ZNF43: variants seen among roughly 807,000 people sequenced by gnomAD.
The protein encoded by ZNF43 is zinc finger protein 43.
A neutral mutation model predicts 68.4 loss-of-function variants in ZNF43; 44 were observed. The observed-to-expected ratio is 0.64, with a 90% confidence interval of 0.51 to 0.83. ZNF43 has a LOEUF of 0.83. ZNF43 is among the 40% of genes least tolerant of loss of function. ZNF43 has a pLI of 0.00. For missense variants in ZNF43, 896 were observed against 933.2 expected (o/e 0.96, Z 0.52); for synonymous variants, 308 against 307.8 (o/e 1.00, Z -0.01).
chr19:21,832,031 T>A (rs543846310), intron 1 of ZNF43, among the ~76,000 whole-genome samples: 2 of 152,294 alleles, frequency 1.3e-5, no homozygotes, highest in South Asian at 4.1e-4. Context: ...TAAAAATAAC[T>A]ATTTTAAAAT....
In ZNF43 at chr19:21,809,021, T is replaced by G. The variant is rs570749825; in HGVS notation, c.1016A>C (p.Glu339Ala). 3 of 1,613,498 alleles carry G rather than the reference T, an allele frequency of 1.9e-6. No individual in the cohort carries two copies. In the South Asian group the frequency reaches 3.3e-5, roughly 18 times the overall value. ...ACATTCTTCACATGTGTAGGGTTTCTCTCCAGTATGAATTCTCTTATGTTT... is the reference window on the plus strand; with the variant it reads ...ACATTCTTCACATGTGTAGGGTTTCGCTCCAGTATGAATTCTCTTATGTTT... ...LTKHKRIHTG[E>A]KPYTCEECGK... Residue 339 changes from glutamate to alanine, a missense_variant, in exon 4 of 4, where the codon GAG becomes GCG. Glu to Ala is a moderately radical substitution (Grantham distance 107, BLOSUM62 -1). Coordinates refer to ENST00000354959, the MANE Select transcript of ZNF43 (RefSeq NM_003423.4).
chr19:21,813,152 G>A (rs1159129292), intron 3 of ZNF43, among the ~76,000 whole-genome samples: 1 of 151,474 alleles, frequency 6.6e-6, no homozygotes. Flanking sequence ...TGAGGCAGAA[G>A]ACTCACTTGA....
At chr19:21,844,892 G>A (rs1274199071) in intron 1 of ZNF43, among the ~76,000 whole-genome samples, 19 of 42,238 alleles carry the variant, frequency 4.5e-4, no homozygotes, top group African/African-American at 1.1e-3. Context: ...GCAAGATTCC[G>A]TCTCAAAAAA....
At chr19:21,833,937 G>C (rs955471152) in intron 1 of ZNF43, among the ~76,000 whole-genome samples, 1 of 152,012 alleles carries the variant, frequency 6.6e-6, no homozygotes, top group African/African-American at 2.4e-5. Context: ...TGAGTCAGCA[G>C]AATCGCTTGA....
chr19:21,848,016 C>T (rs924461670), intron 1 of ZNF43, among the ~76,000 whole-genome samples: 8 of 151,446 alleles, frequency 5.3e-5, no homozygotes, highest in Non-Finnish European at 1.0e-4. Flanking sequence ...AGAGACGTTT[C>T]ACCATATTGA....
In ZNF43 at chr19:21,808,051, G is replaced by A. The variant is rs749409739; in HGVS notation, c.1986C>T (p.Ser662=). Residue 662 remains serine (S), a synonymous_variant, in exon 4 of 4, where the codon TCC becomes TCT. Coordinates refer to ENST00000354959, the MANE Select transcript of ZNF43 (RefSeq NM_003423.4). ...TTATCTTATGTTTAGTAAGGGTTGA[G>A]GACCACTTAAAGGCTTTGCCACATT... ...CEECGKAFKW[S]STLTKHKIIH... is the part of the protein sequence containing the mutation. 1 of 1,612,526 alleles carries A rather than the reference G, an allele frequency of 6.2e-7. No individual in the cohort carries two copies. Among genetic ancestry groups the A allele is most frequent in the South Asian group, 1.1e-5 (1 of 91,018 alleles).
rs2036907379 is a variant in ZNF43, at chr19:21,805,658, C to T, written c.*1949G>A. On this transcript the variant is annotated 3_prime_UTR_variant, in exon 4 of 4. Transcript: ENST00000354959. The stretch of plus-strand genomic sequence containing the variant: ...CAAACAAAAAAAATTATGAATAGCA[C>T]AAAGAATAAAATAAGGTAATTAAAA... 6.6e-6 allele frequency: 1 copy of T among 150,884 alleles called. No homozygotes were observed. The highest frequency in any genetic ancestry group is 1.5e-5 in the Non-Finnish European group (1 of 67,732). 9.3% of individuals were successfully genotyped at this position (150,884 alleles called of 1,614,324 possible).
chr19:21,851,817 G>C, intron 1 of ZNF43: 2 of 1,413,784 alleles, frequency 1.4e-6, no homozygotes. Flanking sequence ...CCAGCGACCA[G>C]GACTCAGGAG....
chr19:21,838,329 G>A (rs1206179738), upstream of ZNF43, among the ~76,000 whole-genome samples: 1 of 151,752 alleles, frequency 6.6e-6, no homozygotes, highest in Non-Finnish European at 1.5e-5. Flanking sequence ...ATCAAGTGTA[G>A]AGGTTAATAA....
intron 1 of ZNF43, chr19:21,851,011 C>A (rs1034299194): frequency 2.0e-5 from 3 of 152,210 alleles, no homozygotes; most frequent in Non-Finnish European, 4.4e-5. Flanking sequence ...TCAACACCTC[C>A]TGTATGTTGG....
chr19:21,820,654 A>G (rs1278165469), intron 1 of ZNF43, among the ~76,000 whole-genome samples: 1 of 152,028 alleles, frequency 6.6e-6, no homozygotes, highest in Non-Finnish European at 1.5e-5. Flanking sequence ...TAATCAAGTG[A>G]ATAATTAACA....
intron 1 of ZNF43, among the ~76,000 whole-genome samples, chr19:21,829,032 CAAAAAAAAAAAAAA>C (rs551226809): frequency 0.045 from 1,761 of 38,862 alleles, 67 homozygotes; most frequent in African/African-American, 0.15. Context: ...GACTCTGTCT[CAAAAAAAAAAAAAA>C]AAAAAAAAAA....
intron 1 of ZNF43, among the ~76,000 whole-genome samples, chr19:21,828,649 G>A (rs755677428): frequency 5.9e-5 from 9 of 151,728 alleles, no homozygotes; most frequent in African/African-American, 7.3e-5. Flanking sequence ...CCCAGTAGGC[G>A]GAGGTTGCAG....
chr19:21,834,102 C>T (rs891172469), intron 1 of ZNF43, among the ~76,000 whole-genome samples: 3 of 151,844 alleles, frequency 2.0e-5, no homozygotes, highest in African/African-American at 7.3e-5. Flanking sequence ...GGCATGGTGG[C>T]GGAGGCGGGT....
At chr19:21,834,428 T>C (rs1263723158) in intron 1 of ZNF43, among the ~76,000 whole-genome samples, 1 of 152,054 alleles carries the variant, frequency 6.6e-6, no homozygotes, top group Non-Finnish European at 1.5e-5. Context: ...GATTATTTTT[T>C]GCTTTCTTTT....
intron 3 of ZNF43, chr19:21,812,146 A>G: frequency 2.6e-6 from 1 of 377,686 alleles, no homozygotes; most frequent in Non-Finnish European, 4.7e-6. Flanking sequence ...TTTTTTTTTG[A>G]GACGGAGTCT....
intron 1 of ZNF43, 100 bp downstream of exon 1, chr19:21,835,936 A>T: frequency 1.3e-6 from 2 of 1,595,310 alleles, no homozygotes; most frequent in Non-Finnish European, 1.7e-6. Flanking sequence ...CGAGCTGGGC[A>T]AGAACTCCGG....
At chr19:21,850,293 T>C (rs757490705) in intron 1 of ZNF43, among the ~76,000 whole-genome samples, 31 of 144,964 alleles carry the variant, frequency 2.1e-4, no homozygotes, top group Non-Finnish European at 4.1e-4. Context: ...CCAGACACGG[T>C]GGGTCACACC....
intron 3 of ZNF43, among the ~76,000 whole-genome samples, chr19:21,815,598 C>A (rs1487249195): frequency 6.6e-6 from 1 of 151,042 alleles, no homozygotes; most frequent in Non-Finnish European, 1.5e-5. Context: ...AAAGTAGGTA[C>A]AAATCCTATC....
Sources: gnomAD v4.1 joint callset for allele counts (sites outside exome capture counted in the v4.1 genomes callset) on GRCh38, gnomAD v4.1.1 for gene constraint, MANE v1.5 for transcripts, NCBI Gene and HGNC (gene_info 2026-07-23, HGNC 2026-07-21) for gene names.